The following LRP1B variants were observed in gnomAD, a reference collection of about 807,000 sequenced individuals.
The protein encoded by LRP1B is low-density lipoprotein receptor-related protein 1B.
Under a neutral mutation model 556.6 loss-of-function variants are expected in LRP1B, and 217 were observed. The observed-to-expected ratio is 0.39, with a 90% CI of 0.35 to 0.44. LRP1B has a LOEUF of 0.44. LRP1B is among the 20% of genes least tolerant of loss of function. The probability of loss-of-function intolerance (pLI) is 1.00; values close to 1 mark genes in which losing one functional copy is unlikely to be tolerated. For missense variants in LRP1B, 5,053 were observed against 5,620.8 expected, an observed-to-expected ratio of 0.90 and a Z score of 3.23; for synonymous variants, 2,047 against 1,865.8, an observed-to-expected ratio of 1.10 and a Z score of -2.50.
chr2:142,028,704 G>A (rs1244814195), intron 1 of LRP1B, among the ~76,000 whole-genome samples: 9 of 151,898 alleles, frequency 5.9e-5, no homozygotes, highest in Admixed American at 4.6e-4. Context: ...CGGGTTCAGT[G>A]GAAAGCATAA....
intron 14 of LRP1B, among the ~76,000 whole-genome samples, chr2:141,011,647 A>G (rs543399609): frequency 6.6e-6 from 1 of 152,212 alleles, no homozygotes; most frequent in East Asian, 1.9e-4. Context: ...ACATTCACTC[A>G]GTAAACAAAA....
intron 1 of LRP1B, among the ~76,000 whole-genome samples, chr2:142,054,048 A>G (rs926614224): frequency 6.6e-6 from 1 of 152,102 alleles, no homozygotes; most frequent in Non-Finnish European, 1.5e-5. Flanking sequence ...TAATCGTTGG[A>G]GCACTAGGTA....
At chr2:141,631,971 G>T (rs1042290725) in intron 2 of LRP1B, among the ~76,000 whole-genome samples, 1 of 151,946 alleles carries the variant, frequency 6.6e-6, no homozygotes, top group African/African-American at 2.4e-5. Context: ...GAAAGCAGGG[G>T]CACAATCATG....
chr2:140,357,914 G>A, intron 74 of LRP1B, 65 bp downstream of exon 74: 1 of 1,549,854 alleles, frequency 6.5e-7, no homozygotes, highest in Non-Finnish European at 8.8e-7. Flanking sequence ...GAACATTTTA[G>A]TCATGTACAA....
chr2:141,088,499 A>C (rs1329066612), intron 7 of LRP1B, among the ~76,000 whole-genome samples: 1 of 152,088 alleles, frequency 6.6e-6, no homozygotes, highest in Admixed American at 6.6e-5. Flanking sequence ...AGAGAAACAC[A>C]CCTGAAACGT....
At chr2:140,957,571 C>A (rs992712058) in intron 18 of LRP1B, among the ~76,000 whole-genome samples, 5 of 151,340 alleles carry the variant, frequency 3.3e-5, no homozygotes, top group African/African-American at 1.2e-4. Context: ...AAAATAACAG[C>A]CAAATATTTC....
chr2:141,329,393 A>T (rs1424287091), intron 3 of LRP1B, among the ~76,000 whole-genome samples: 2 of 150,642 alleles, frequency 1.3e-5, no homozygotes, highest in African/African-American at 4.9e-5. Flanking sequence ...CGTCAAAAAA[A>T]AAAAAAAAAG....
chr2:140,526,140 C>G, intron 48 of LRP1B, 97 bp downstream of exon 48: 2 of 1,377,866 alleles, frequency 1.5e-6, no homozygotes, highest in Non-Finnish European at 1.0e-6. Flanking sequence ...AATTACATAC[C>G]AATTTTGGAC....
intron 2 of LRP1B, among the ~76,000 whole-genome samples, chr2:141,541,007 C>T (rs1163239385): frequency 6.6e-6 from 1 of 151,886 alleles, no homozygotes; most frequent in Non-Finnish European, 1.5e-5. Flanking sequence ...ACAACAACAA[C>T]ATCCAAAATA....
chr2:141,321,263 T>C lies in LRP1B; in HGVS notation c.344-66622A>G, dbSNP rs146696003. Among the ~76,000 whole-genome samples, 424 of 152,120 alleles carry C rather than the reference T, an allele frequency of 2.8e-3. 5 individuals carry two copies. Among genetic ancestry groups the C allele is most frequent in the African/African-American group, 9.3e-3 (388 of 41,526 alleles). Reference sequence around the variant, plus strand: ...TTTAGGTATACTAGTTAATAGTAAATAAATTATTAAAAACAAACAAACAAA... The same window carrying C: ...TTTAGGTATACTAGTTAATAGTAAACAAATTATTAAAAACAAACAAACAAA... On this transcript the variant is annotated intron_variant, in intron 3 of 90. Transcript: ENST00000389484.
chr2:142,129,586 C>CTCTCTCTT (rs1707776802), intron 1 of LRP1B, among the ~76,000 whole-genome samples: 2 of 1,134 alleles, frequency 1.8e-3, no homozygotes, highest in Non-Finnish European at 6.6e-3. Flanking sequence ...TTCTCTCTTT[C>CTCTCTCTT]TCTCTCTCTC....
At chr2:141,823,094 G>GCTTGCTTTCCCCATCTCT (rs1237733336) in intron 1 of LRP1B, among the ~76,000 whole-genome samples, 3 of 152,260 alleles carry the variant, frequency 2.0e-5, no homozygotes, top group South Asian at 2.1e-4. Context: ...AAGGCTGTAT[G>GCTTGCTTTCCCCATCTCT]CTTGCTTTCC....
intron 2 of LRP1B, among the ~76,000 whole-genome samples, chr2:141,610,111 T>C (rs1688055192): frequency 6.6e-6 from 1 of 152,200 alleles, no homozygotes; most frequent in South Asian, 2.1e-4. Context: ...CTCTTAACTT[T>C]GAAATTGACA....
rs114171729 is a variant in LRP1B at position 142,004,196 on chromosome 2, T to C, written c.82+126452A>G. On this transcript the variant is annotated intron_variant, in intron 1 of 90. Coordinates refer to ENST00000389484, the MANE Select transcript of LRP1B (RefSeq NM_018557.3). ...ACAAATGCCATGGAACTGGAAGAAATAGGGTGAAACAGAAGCAAATGACCA... is the reference window on the plus strand; with the variant it reads ...ACAAATGCCATGGAACTGGAAGAAACAGGGTGAAACAGAAGCAAATGACCA... Among the ~76,000 whole-genome samples the C allele has an allele frequency of 2.1e-3, 313 of 152,040 alleles. 1 individual carries two copies. The highest frequency in any genetic ancestry group is 3.8e-3 in the Non-Finnish European group (257 of 67,976).
chr2:140,934,149 T>A (rs922632783), intron 20 of LRP1B, among the ~76,000 whole-genome samples: 1 of 152,064 alleles, frequency 6.6e-6, no homozygotes, highest in South Asian at 2.1e-4. Context: ...TTACTTTAAT[T>A]GTATTTTATG....
At chr2:141,768,418 T>C (rs982795814) in intron 2 of LRP1B, among the ~76,000 whole-genome samples, 5 of 152,180 alleles carry the variant, frequency 3.3e-5, no homozygotes, top group Non-Finnish European at 5.9e-5. Flanking sequence ...TTTTCATTCA[T>C]TTATTTTAAA....
At position 140,787,558 on chromosome 2, in the gene LRP1B, A is replaced by ATTTTTTTTTTTTTTTTT. The variant is rs756825067; in HGVS notation, c.5360-11337_5360-11321dup. Among the ~76,000 whole-genome samples, 5 of 44,660 alleles carry ATTTTTTTTTTTTTTTTT rather than the reference A, an allele frequency of 1.1e-4. 1 individual carries two copies. The highest frequency in any genetic ancestry group is 8.6e-4 in the East Asian group (1 of 1,158). The allele number at this position is 44,660 out of a possible 152,430, so 29.3% of individuals were successfully genotyped here. On this transcript the variant is annotated intron_variant, in intron 32 of 90. Coordinates refer to ENST00000389484, the MANE Select transcript of LRP1B (RefSeq NM_018557.3). Reference sequence around the variant, plus strand: ...CCTATCTTCCTGTTTAAAACAGAAGATTTTTTTTTTTTTTTTTTTTTTTTT... The same window carrying ATTTTTTTTTTTTTTTTT: ...CCTATCTTCCTGTTTAAAACAGAAGATTTTTTTTTTTTTTTTTTTTTTTTTTTTTTTTTTTTTTTTTT...
intron 7 of LRP1B, among the ~76,000 whole-genome samples, chr2:141,174,539 G>A (rs1680652391): frequency 6.6e-6 from 1 of 152,070 alleles, no homozygotes; most frequent in African/African-American, 2.4e-5. Context: ...ATGTGAAGAA[G>A]GTTCTTGCTT....
intron 11 of LRP1B, among the ~76,000 whole-genome samples, chr2:141,043,208 A>G (rs1030695084): frequency 1.2e-4 from 2 of 16,174 alleles, no homozygotes; most frequent in Admixed American, 1.4e-3. Flanking sequence ...GTCTCAAAAA[A>G]AATAAAATAA....
Sources: gnomAD v4.1 joint callset for allele counts (sites outside exome capture counted in the v4.1 genomes callset) on GRCh38, gnomAD v4.1.1 for gene constraint, MANE v1.5 for transcripts, NCBI Gene and HGNC (gene_info 2026-07-23, HGNC 2026-07-21) for gene names.